The following FBXL18 variants were observed in gnomAD, a reference collection of about 807,000 sequenced individuals.
FBXL18 encodes the protein F-box/LRR-repeat protein 18.
FBXL18 carries 36 observed loss-of-function variants against 46.0 expected under a neutral mutation model. The observed-to-expected ratio is 0.78, with a 90% CI of 0.60 to 1.03. The LOEUF is 1.03. Among genes scored for constraint, FBXL18 ranks in the 50% least tolerant of loss-of-function variants. The probability of loss-of-function intolerance (pLI) is 0.00; values close to 1 mark genes in which losing one functional copy is unlikely to be tolerated. For synonymous variants in FBXL18, 557 were observed against 465.3 expected, an observed-to-expected ratio of 1.20 and a Z score of -2.54; for missense variants, 977 against 1,004.1, an observed-to-expected ratio of 0.97 and a Z score of 0.36.
Position 5,481,774 on chromosome 7 carries a change from C to A in FBXL18, c.*1G>T, listed in dbSNP as rs1234900085. 6.2e-7 allele frequency: 1 copy of A among 1,613,382 alleles called. No homozygotes were observed. The highest frequency in any genetic ancestry group is 2.2e-5 in the East Asian group (1 of 44,888). On this transcript the variant is annotated 3_prime_UTR_variant, in exon 5 of 5. Coordinates refer to ENST00000382368, the MANE Select transcript of FBXL18 (RefSeq NM_024963.6). Reference sequence around the variant, plus strand: ...AGACCGATGGGCGGCGGCTCCGCCTCTCACCACCACAGGTTCGGCGGTTCC... The same window carrying A: ...AGACCGATGGGCGGCGGCTCCGCCTATCACCACCACAGGTTCGGCGGTTCC...
At position 5,481,802 on chromosome 7, in the gene FBXL18, G is replaced by C. The variant is rs200497913; in HGVS notation, c.2130C>G (p.Ala710=). The C allele has an allele frequency of 3.1e-6, 5 of 1,613,506 alleles. No individual in the cohort carries two copies. Among genetic ancestry groups the C allele is most frequent in the Middle Eastern group, 1.6e-4 (1 of 6,062 alleles). ...ACCACCACAGGTTCGGCGGTTCCTCGGCCACTCTGCTCTTAAATAAGGTGA... is the reference window on the plus strand; with the variant it reads ...ACCACCACAGGTTCGGCGGTTCCTCCGCCACTCTGCTCTTAAATAAGGTGA... ...DEITLFKSRV[A]EEPPNLWW The change falls in exon 5 of 5, where the codon GCC becomes GCG. Residue 710 remains alanine (A), a synonymous_variant. Coordinates refer to ENST00000382368, the MANE Select transcript of FBXL18 (RefSeq NM_024963.6).
Position 5,454,829 on chromosome 7 carries a change from G to A in FBXL18, c.2001-6986C>T, listed in dbSNP as rs866046224. On this transcript the variant is annotated intron_variant and NMD_transcript_variant, in intron 4 of 6. Transcript: ENST00000415009. ...AGAAGGCGTCCCCAGGGCATAAGACGCCTCCCCCACTGCCCATCAGCGCAG... is the reference window on the plus strand; with the variant it reads ...AGAAGGCGTCCCCAGGGCATAAGACACCTCCCCCACTGCCCATCAGCGCAG... 2.0e-5 allele frequency among the ~76,000 whole-genome samples: 3 copies of A among 152,300 alleles called. No individual in the cohort carries two copies. In the East Asian group the frequency reaches 5.8e-4, roughly 29 times the overall value.
rs985757198 is a variant in FBXL18 at position 5,476,099 on chromosome 7, G to A, written c.*5676C>T. ...TGCTGTCTCTGGGCAGTCTCACGTG[G>A]ACAGACAATGCTCAGAAGGTGGCGA... On this transcript the variant is annotated 3_prime_UTR_variant, in exon 5 of 5. Transcript: ENST00000382368. The A allele has an allele frequency of 1.3e-5, 2 of 152,390 alleles. No homozygotes were observed. Among genetic ancestry groups the A allele is most frequent in the African/African-American group, 4.8e-5 (2 of 41,442 alleles). The allele number at this position is 152,390 out of a possible 1,614,324, so 9.4% of individuals were successfully genotyped here. A position where few individuals can be genotyped will look rare whatever the true frequency, so the allele number is the denominator to read the frequency against.
chr7:5,513,794 G>C lies in FBXL18; in HGVS notation c.-120C>G. Reference sequence around the variant, plus strand: ...TCAACCGAGACCCCGGCAAGGAGCGGGCTCTCGTCACTTCCGGCGCCCGCC... The same window carrying C: ...TCAACCGAGACCCCGGCAAGGAGCGCGCTCTCGTCACTTCCGGCGCCCGCC... On this transcript the variant is annotated 5_prime_UTR_variant, in exon 1 of 5. Coordinates refer to ENST00000382368, the MANE Select transcript of FBXL18 (RefSeq NM_024963.6). The C allele has an allele frequency of 1.4e-6, 2 of 1,398,372 alleles. No individual in the cohort carries two copies. The highest frequency in any genetic ancestry group is 1.9e-6 in the Non-Finnish European group (2 of 1,038,440). The allele number at this position is 1,398,372 out of a possible 1,614,324, so 86.6% of individuals were successfully genotyped here.
intron 4 of FBXL18, among the ~76,000 whole-genome samples, chr7:5,483,272 C>T (rs1261852382): frequency 6.6e-6 from 1 of 151,654 alleles, no homozygotes; most frequent in Non-Finnish European, 1.5e-5. Context: ...GAAACCCCGT[C>T]TCTACTAAAA....
intron 4 of FBXL18, among the ~76,000 whole-genome samples, chr7:5,486,897 G>A (rs1048941464): frequency 1.3e-5 from 2 of 152,238 alleles, no homozygotes; most frequent in African/African-American, 4.8e-5. Flanking sequence ...ACAGCCCGGG[G>A]CCAGGTCCTC....
At chr7:5,482,873 A>G (rs1341073061) in intron 4 of FBXL18, among the ~76,000 whole-genome samples, 1 of 151,898 alleles carries the variant, frequency 6.6e-6, no homozygotes, top group Non-Finnish European at 1.5e-5. Context: ...TTGTCTCTAT[A>G]AAAAATTTTA....
chr7:5,468,748 G>T (rs781429527), intron 4 of FBXL18, among the ~76,000 whole-genome samples: 1 of 151,990 alleles, frequency 6.6e-6, no homozygotes, highest in Non-Finnish European at 1.5e-5. Context: ...CTACAGACGC[G>T]CACCACCACG....
At chr7:5,505,351 C>A (rs1021726469) in intron 2 of FBXL18, 61 bp downstream of exon 2, 1 of 1,495,100 alleles carries the variant, frequency 6.7e-7, no homozygotes, top group Non-Finnish European at 9.2e-7. Context: ...CAGGGCTGTG[C>A]CCAGTCCTCA....
intron 4 of FBXL18, among the ~76,000 whole-genome samples, chr7:5,463,704 A>ATATATATATATATATATATT (rs1562672177): frequency 2.3e-5 from 1 of 43,986 alleles, no homozygotes; most frequent in Non-Finnish European, 4.0e-5. Context: ...CTATATATAT[A>ATATATATATATATATATATT]TTTATTTATT....
chr7:5,508,611 A>C (rs1193652379), intron 1 of FBXL18, among the ~76,000 whole-genome samples: 4 of 151,230 alleles, frequency 2.6e-5, no homozygotes, highest in African/African-American at 9.7e-5. Flanking sequence ...CTTGTCTCAA[A>C]AAAAAAAAAA....
intron 1 of FBXL18, 40 bp downstream of exon 1, chr7:5,513,608 ACCGAGGCCG>A: frequency 6.2e-7 from 1 of 1,607,064 alleles, no homozygotes; most frequent in Non-Finnish European, 8.5e-7. Flanking sequence ...ACCCAGGGAG[ACCGAGGCCG>A]CCGAGGCAGA....
intron 4 of FBXL18, among the ~76,000 whole-genome samples, chr7:5,465,474 T>C (rs574633137): frequency 1.3e-5 from 2 of 151,902 alleles, no homozygotes; most frequent in Admixed American, 1.3e-4. Context: ...GTGGACTGAT[T>C]GATTGACTGA....
chr7:5,506,256 C>CTT (rs200542556), intron 1 of FBXL18, among the ~76,000 whole-genome samples: 1 of 100,692 alleles, frequency 9.9e-6, no homozygotes, highest in Admixed American at 1.0e-4. Context: ...TTTTTTTTTT[C>CTT]TTTTTTTTTT....
intron 1 of FBXL18, among the ~76,000 whole-genome samples, chr7:5,510,165 G>A (rs1360702399): frequency 6.6e-6 from 1 of 151,716 alleles, no homozygotes; most frequent in Non-Finnish European, 1.5e-5. Context: ...AGCTGGGCGT[G>A]GTGGCAGGCG....
chr7:5,470,930 G>C (rs1193599227), downstream of FBXL18, among the ~76,000 whole-genome samples: 1 of 152,114 alleles, frequency 6.6e-6, no homozygotes, highest in Non-Finnish European at 1.5e-5. Context: ...CTGTGTCCTT[G>C]CCAATGGTAT....
At position 5,501,744 on chromosome 7, in the gene FBXL18, C is replaced by T; in HGVS notation, c.525G>A (p.Glu175=). ...ECKATLSRVR[E]LKQTLFTPSY... ...AGGGAGTGAACAGCGTCTGCTTGAG[C>T]TCCCGCACGCGGCTCAGGGTGGCCT... The change falls in exon 3 of 5, where the codon GAG becomes GAA. Residue 175 remains glutamate, a synonymous_variant. Coordinates refer to ENST00000382368, the MANE Select transcript of FBXL18 (RefSeq NM_024963.6). The T allele has an allele frequency of 6.4e-7, 1 of 1,561,882 alleles. No individual in the cohort carries two copies. The highest frequency in any genetic ancestry group is 1.4e-5 in the African/African-American group (1 of 73,914).
rs184446736 is a variant in FBXL18 at position 5,513,103 on chromosome 7, C to A, written c.18+554G>T. 4.4e-3 allele frequency among the ~76,000 whole-genome samples: 669 copies of A among 152,278 alleles called. 5 individuals are homozygous for A. Among genetic ancestry groups the A allele is most frequent in the African/African-American group, 0.016 (648 of 41,558 alleles). ...AATACTTTGCACCACATTACAGGGA[C>A]GCGGCGGGCTTCTCCATCGGACCCA... is the stretch of plus-strand genomic sequence containing the variant. On this transcript the variant is annotated intron_variant, in intron 1 of 4. Coordinates refer to ENST00000382368, the MANE Select transcript of FBXL18 (RefSeq NM_024963.6).
chr7:5,493,596 A>G (rs1783989014), intron 3 of FBXL18, among the ~76,000 whole-genome samples: 1 of 150,968 alleles, frequency 6.6e-6, no homozygotes, highest in Admixed American at 6.6e-5. Flanking sequence ...CACCTGGCCA[A>G]AATTTTTTTT....
Sources: gnomAD v4.1 joint callset for allele counts (sites outside exome capture counted in the v4.1 genomes callset) on GRCh38, gnomAD v4.1.1 for gene constraint, MANE v1.5 for transcripts, NCBI Gene and HGNC (gene_info 2026-07-23, HGNC 2026-07-21) for gene names.